ANKS1B: variants seen among roughly 807,000 people sequenced by gnomAD.
ANKS1B encodes the protein ankyrin repeat and sterile alpha motif domain containing 1B, also known as ankyrin repeat and sterile alpha motif domain-containing protein 1B.
ANKS1B carries 36 observed loss-of-function variants against 148.3 expected under a neutral mutation model. The ratio of observed to expected loss-of-function variants is 0.24; its 90% CI spans 0.19 to 0.32. The LOEUF (loss-of-function observed/expected upper bound fraction) is 0.32. Among genes scored for constraint, ANKS1B ranks in the 10% least tolerant of loss-of-function variants. The pLI, the probability that ANKS1B is intolerant of heterozygous loss-of-function variation, is 1.00. For missense variants in ANKS1B, 1,157 were observed against 1,542.6 expected, an observed-to-expected ratio of 0.75 and a Z score of 4.19; for synonymous variants, 542 against 560.8, an observed-to-expected ratio of 0.97 and a Z score of 0.47.
At chr12:99,411,459 G>C (rs751160043) in intron 11 of ANKS1B, among the ~76,000 whole-genome samples, 6 of 152,130 alleles carry the variant, frequency 3.9e-5, no homozygotes, top group Non-Finnish European at 8.8e-5. Flanking sequence ...ACTACTGATG[G>C]GCACTTAGGC....
chr12:99,541,937 C>T (rs778623226), intron 9 of ANKS1B, among the ~76,000 whole-genome samples: 5 of 151,830 alleles, frequency 3.3e-5, no homozygotes, highest in African/African-American at 4.8e-5. Flanking sequence ...CTGATAAAGG[C>T]GTCTATGAAA....
chr12:99,515,463 G>A (rs1055206568), intron 9 of ANKS1B, among the ~76,000 whole-genome samples: 12 of 151,978 alleles, frequency 7.9e-5, no homozygotes, highest in South Asian at 4.1e-4. Context: ...TTCACTTAAC[G>A]TAATGACCTC....
intron 8 of ANKS1B, among the ~76,000 whole-genome samples, chr12:99,741,902 A>C (rs1018584934): frequency 7.9e-5 from 12 of 152,002 alleles, no homozygotes; most frequent in African/African-American, 2.9e-4. Flanking sequence ...AAAATAAATA[A>C]ATAAATAAAG....
chr12:99,087,977 T>A (rs1179580294), intron 15 of ANKS1B, among the ~76,000 whole-genome samples: 2 of 152,232 alleles, frequency 1.3e-5, no homozygotes, highest in African/African-American at 4.8e-5. Context: ...GGAAGTTAGA[T>A]ATTTTTAAAG....
intron 9 of ANKS1B, among the ~76,000 whole-genome samples, chr12:99,508,913 G>A (rs1341925817): frequency 6.6e-6 from 1 of 151,780 alleles, no homozygotes; most frequent in Non-Finnish European, 1.5e-5. Context: ...TGGCAACCGG[G>A]CATTGAGCAA....
At chr12:99,018,620 C>T (rs1356164537) in intron 17 of ANKS1B, among the ~76,000 whole-genome samples, 2 of 152,162 alleles carry the variant, frequency 1.3e-5, no homozygotes, top group Non-Finnish European at 2.9e-5. Flanking sequence ...CACTTCTACT[C>T]ATGAAACACA....
At position 98,765,586 on chromosome 12, in the gene ANKS1B, T is replaced by G. The variant is rs768257117; in HGVS notation, c.3579+7456A>C. The stretch of plus-strand genomic sequence containing the variant: ...GCCTTTATTTTTCTGAGACAGAGTC[T>G]CATCCTGTCACCCAGGCTAGAGTGC... On this transcript the variant is annotated intron_variant, in intron 25 of 26. Coordinates refer to ENST00000683438, the MANE Select transcript of ANKS1B (RefSeq NM_001352186.2). 3.3e-5 allele frequency among the ~76,000 whole-genome samples: 5 copies of G among 152,242 alleles called. No individual in the cohort carries two copies. In the South Asian group the frequency reaches 8.3e-4, roughly 25 times the overall value.
intron 12 of ANKS1B, among the ~76,000 whole-genome samples, chr12:99,330,722 G>A (rs192913552): frequency 1.0e-3 from 159 of 152,048 alleles, no homozygotes; most frequent in Non-Finnish European, 1.9e-3. Flanking sequence ...TAGTGAATCT[G>A]TTCGGTCTTT....
intron 8 of ANKS1B, among the ~76,000 whole-genome samples, chr12:99,658,551 A>G (rs2098461047): frequency 6.6e-6 from 1 of 151,944 alleles, no homozygotes; most frequent in Non-Finnish European, 1.5e-5. Context: ...ATTCACCTTG[A>G]GTTGATAGAT....
At position 98,790,956 on chromosome 12, in the gene ANKS1B, GC is replaced by G. The variant is rs2098843200; in HGVS notation, c.3342+7977del. The stretch of plus-strand genomic sequence containing the variant: ...TATGGGAGAAAAGCTAGCAACAAGG[GC>G]TATAAAAAATAACAAAGAGAACTGG... On this transcript the variant is annotated intron_variant, in intron 22 of 26. Coordinates refer to ENST00000683438, the MANE Select transcript of ANKS1B (RefSeq NM_001352186.2). 3.9e-5 allele frequency among the ~76,000 whole-genome samples: 6 copies of G among 152,242 alleles called. No homozygotes were observed. The East Asian group carries it at 9.6e-4, about 24-fold the overall frequency.
intron 1 of ANKS1B, among the ~76,000 whole-genome samples, chr12:99,874,022 C>CAT (rs150860727): frequency 0.01 from 1,423 of 137,652 alleles, 27 homozygotes; most frequent in African/African-American, 0.02. Flanking sequence ...CTCTCTCTCA[C>CAT]ATATATATAT....
chr12:98,906,844 T>C (rs114462975), intron 17 of ANKS1B, among the ~76,000 whole-genome samples: 2,045 of 152,204 alleles, frequency 0.013, 39 homozygotes, highest in African/African-American at 0.046. Flanking sequence ...ATAATTTTTG[T>C]TTTTATTTTT....
chr12:99,631,651 G>C (rs927506662), intron 9 of ANKS1B, among the ~76,000 whole-genome samples: 2 of 152,202 alleles, frequency 1.3e-5, no homozygotes, highest in Non-Finnish European at 2.9e-5. Context: ...CTATGTTAAT[G>C]CTGAGGGCTT....
intron 1 of ANKS1B, among the ~76,000 whole-genome samples, chr12:99,849,085 T>A (rs993307374): frequency 6.6e-6 from 1 of 152,108 alleles, no homozygotes; most frequent in African/African-American, 2.4e-5. Context: ...AACTACCTAT[T>A]AGGTGCTATG....
At chr12:99,887,554 G>A (rs530617853) in intron 1 of ANKS1B, among the ~76,000 whole-genome samples, 2 of 152,184 alleles carry the variant, frequency 1.3e-5, no homozygotes, top group African/African-American at 2.4e-5. Flanking sequence ...GACATGTGGA[G>A]GCAAACATTT....
At chr12:99,053,125 A>G in intron 17 of ANKS1B, 32 bp downstream of exon 17, 1 of 1,545,500 alleles carries the variant, frequency 6.5e-7, no homozygotes, top group Non-Finnish European at 8.7e-7. Flanking sequence ...CAAGGGTTGA[A>G]TAGTTAAGGT....
intron 17 of ANKS1B, among the ~76,000 whole-genome samples, chr12:98,956,887 C>T (rs1185815778): frequency 2.6e-5 from 4 of 152,142 alleles, no homozygotes; most frequent in Non-Finnish European, 5.9e-5. Flanking sequence ...GCTCCTCCCT[C>T]CATCTCACTG....
At position 99,375,676 on chromosome 12, in the gene ANKS1B, T is replaced by TAA. The variant is rs34028224; in HGVS notation, c.1756+23953_1756+23954dup. Among the ~76,000 whole-genome samples, 18 of 148,814 alleles carry TAA rather than the reference T, an allele frequency of 1.2e-4. No homozygotes were observed. The East Asian group carries it at 1.6e-3, about 13-fold the overall frequency. ...AATGAACTAAAACTCTAAGACATGTTAAAAAAAAAACCCTAAATACAATAA... is the reference window on the plus strand; with the variant it reads ...AATGAACTAAAACTCTAAGACATGTTAAAAAAAAAAAACCCTAAATACAATAA... On this transcript the variant is annotated intron_variant, in intron 12 of 26. Coordinates refer to ENST00000683438, the MANE Select transcript of ANKS1B (RefSeq NM_001352186.2).
rs1381710829 is a variant in ANKS1B, at chr12:99,156,733, G to A, written c.2420-2338C>T. Among the ~76,000 whole-genome samples the A allele has an allele frequency of 2.6e-5, 4 of 152,032 alleles. No individual in the cohort carries two copies. The South Asian group carries it at 6.2e-4, about 24-fold the overall frequency. On this transcript the variant is annotated intron_variant, in intron 14 of 26. Transcript: ENST00000683438. The stretch of plus-strand genomic sequence containing the variant: ...AATCTCTTTCTTCTCTGTCTTAAAT[G>A]GCATTTTTAGACCCTCTATTGTAAC...
Sources: allele counts gnomAD v4.1 joint callset (sites outside exome capture counted in the v4.1 genomes callset), GRCh38; gene constraint gnomAD v4.1.1; transcripts MANE v1.5; gene names NCBI Gene and HGNC (gene_info 2026-07-23, HGNC 2026-07-21).